The following NRXN3 variants were observed in gnomAD, a reference collection of about 807,000 sequenced individuals.
NRXN3 encodes neurexin 3.
NRXN3 carries 32 observed loss-of-function variants against 137.6 expected under a neutral mutation model. The ratio of observed to expected loss-of-function variants is 0.23; its 90% CI spans 0.18 to 0.31. The LOEUF (loss-of-function observed/expected upper bound fraction) is 0.31. Among genes scored for constraint, NRXN3 ranks in the 10% least tolerant of loss-of-function variants. The probability of loss-of-function intolerance (pLI) is 1.00; values close to 1 mark genes in which losing one functional copy is unlikely to be tolerated. For synonymous variants in NRXN3, 798 were observed against 784.5 expected (o/e 1.02, Z -0.29); for missense variants, 1,574 against 2,062.5 (o/e 0.76, Z 4.59).
chr14:79,358,325 C>A (rs1194298360), intron 15 of NRXN3, among the ~76,000 whole-genome samples: 4 of 151,734 alleles, frequency 2.6e-5, no homozygotes, highest in African/African-American at 4.8e-5. Flanking sequence ...CACTTCGGGA[C>A]TTTGGGAGGC....
intron 17 of NRXN3, among the ~76,000 whole-genome samples, chr14:79,677,715 C>A (rs1190892618): frequency 6.6e-6 from 1 of 152,106 alleles, no homozygotes; most frequent in Non-Finnish European, 1.5e-5. Context: ...CTTAATAGAT[C>A]TGTTCTTGAA....
intron 16 of NRXN3, among the ~76,000 whole-genome samples, chr14:79,597,329 C>G (rs10147671): frequency 0.021 from 3,219 of 152,196 alleles, 124 homozygotes; most frequent in African/African-American, 0.073. Context: ...TTGTTTTGTG[C>G]TTTGGAAATG....
intron 4 of NRXN3, among the ~76,000 whole-genome samples, chr14:78,600,153 G>A (rs2097190929): frequency 6.6e-6 from 1 of 152,102 alleles, no homozygotes; most frequent in South Asian, 2.1e-4. Flanking sequence ...TGCTGGTCTT[G>A]GGTATCCGAC....
At chr14:78,917,478 A>G (rs76991020) in intron 10 of NRXN3, among the ~76,000 whole-genome samples, 3,355 of 152,348 alleles carry the variant, frequency 0.022, 122 homozygotes, top group African/African-American at 0.074. Context: ...AAAAAAGGAA[A>G]GAAGCCTTAT....
rs576619729 is a variant in NRXN3, at chr14:78,418,697, A to G, written c.757+120837A>G. Among the ~76,000 whole-genome samples the G allele has an allele frequency of 9.2e-5, 14 of 152,348 alleles. No individual in the cohort carries two copies. In the South Asian group the frequency reaches 2.1e-3, roughly 23 times the overall value. ...TCCTTTTATTCCCGGTATATGTCCT[A>G]TGAAAGTCATTCTGGTAGCAATGGT... is the stretch of plus-strand genomic sequence containing the variant. On this transcript the variant is annotated intron_variant, in intron 4 of 20. Coordinates refer to ENST00000335750, the MANE Select transcript of NRXN3 (RefSeq NM_001330195.2).
intron 15 of NRXN3, among the ~76,000 whole-genome samples, chr14:79,181,057 C>CATATAT (rs3035618): frequency 3.2e-4 from 47 of 145,060 alleles, no homozygotes; most frequent in African/African-American, 9.4e-4. Context: ...TGTCTGTGTG[C>CATATAT]ATATATATAT....
chr14:79,050,970 T>G (rs2099641011), intron 15 of NRXN3, among the ~76,000 whole-genome samples: 1 of 152,206 alleles, frequency 6.6e-6, no homozygotes, highest in Non-Finnish European at 1.5e-5. Context: ...TGCCCAGAAC[T>G]CCTTTGAATA....
chr14:78,755,806 C>A (rs75336168), intron 8 of NRXN3, among the ~76,000 whole-genome samples: 132 of 152,286 alleles, frequency 8.7e-4, no homozygotes, highest in Admixed American at 2.5e-3. Flanking sequence ...CTTGGCATTA[C>A]CAAAATGAAT....
In NRXN3 at chr14:78,290,592, T is replaced by C. The variant is rs74065980; in HGVS notation, c.728-7239T>C. 2.1e-3 allele frequency among the ~76,000 whole-genome samples: 313 copies of C among 152,252 alleles called. 2 individuals are homozygous for C. The highest frequency in any genetic ancestry group is 7.2e-3 in the African/African-American group (301 of 41,558). ...GGCTGCAGTGAGCCACGATCCACGA[T>C]TGTGCCACTGCACTCTAGCCTGGGC... On this transcript the variant is annotated intron_variant, in intron 3 of 20. Transcript: ENST00000335750.
intron 15 of NRXN3, among the ~76,000 whole-genome samples, chr14:79,355,032 G>GT (rs909708168): frequency 2.0e-5 from 3 of 152,164 alleles, no homozygotes; most frequent in African/African-American, 4.8e-5. Context: ...TTTTTGGATG[G>GT]TTTTTTAACA....
intron 15 of NRXN3, among the ~76,000 whole-genome samples, chr14:79,110,448 G>C (rs1490207854): frequency 6.6e-6 from 1 of 152,184 alleles, no homozygotes; most frequent in Non-Finnish European, 1.5e-5. Context: ...TACCAACTAG[G>C]ATGTGAGTTC....
chr14:79,483,951 C>A (rs2096632183), intron 16 of NRXN3, among the ~76,000 whole-genome samples: 1 of 152,106 alleles, frequency 6.6e-6, no homozygotes, highest in Non-Finnish European at 1.5e-5. Flanking sequence ...GGAAATAAAC[C>A]CTAAGTCACT....
chr14:78,183,556 G>C (rs1275568678), intron 1 of NRXN3, among the ~76,000 whole-genome samples: 3 of 152,228 alleles, frequency 2.0e-5, no homozygotes, highest in African/African-American at 7.2e-5. Flanking sequence ...TTAAATTCCT[G>C]AAAGGTTTGC....
At chr14:79,659,961 G>A (rs541793526) in intron 16 of NRXN3, among the ~76,000 whole-genome samples, 205 of 152,184 alleles carry the variant, frequency 1.3e-3, no homozygotes, top group African/African-American at 4.5e-3. Context: ...TACTTATAAA[G>A]TACCATCATG....
At chr14:78,757,631 G>A (rs945303147) in intron 8 of NRXN3, among the ~76,000 whole-genome samples, 4 of 152,164 alleles carry the variant, frequency 2.6e-5, no homozygotes, top group Non-Finnish European at 5.9e-5. Context: ...GCTAAAGGAT[G>A]AGATTCACAT....
intron 19 of NRXN3, among the ~76,000 whole-genome samples, chr14:79,766,093 A>G (rs2099055110): frequency 6.6e-6 from 1 of 152,168 alleles, no homozygotes; most frequent in Non-Finnish European, 1.5e-5. Context: ...ACAGTCCCCT[A>G]TTGTTGAATA....
At chr14:79,518,783 T>TA (rs1198844147) in intron 16 of NRXN3, among the ~76,000 whole-genome samples, 2 of 152,204 alleles carry the variant, frequency 1.3e-5, no homozygotes, top group African/African-American at 4.8e-5. Context: ...CTGACTTTAG[T>TA]AAGAGTGATT....
chr14:79,181,745 A>G (rs2062953163), intron 15 of NRXN3, among the ~76,000 whole-genome samples: 1 of 151,866 alleles, frequency 6.6e-6, no homozygotes, highest in African/African-American at 2.4e-5. Flanking sequence ...AAGTGACCTC[A>G]GAAAATGTGC....
intron 16 of NRXN3, among the ~76,000 whole-genome samples, chr14:79,479,766 C>T (rs1192058204): frequency 2.0e-5 from 3 of 152,006 alleles, no homozygotes; most frequent in African/African-American, 7.2e-5. Context: ...ACCTAATTAC[C>T]CCCAAGCCAC....
Sources: gnomAD v4.1 joint callset for allele counts (sites outside exome capture counted in the v4.1 genomes callset) on GRCh38, gnomAD v4.1.1 for gene constraint, MANE v1.5 for transcripts, NCBI Gene and HGNC (gene_info 2026-07-23, HGNC 2026-07-21) for gene names.